Variants in COG7 observed in about 807,000 individuals in gnomAD.
COG7 encodes the protein component of oligomeric golgi complex 7, also known as conserved oligomeric Golgi complex subunit 7.
COG7 carries 49 observed loss-of-function variants against 91.5 expected under a neutral mutation model. The observed-to-expected ratio is 0.54, with a 90% CI of 0.43 to 0.68. The LOEUF is 0.68. Among genes scored for constraint, COG7 ranks in the 30% least tolerant of loss-of-function variants. COG7 has a pLI of 0.00. For missense variants in COG7, 895 were observed against 961.3 expected (o/e 0.93, Z 0.91); for synonymous variants, 365 against 388.7 (o/e 0.94, Z 0.72).
Position 23,453,128 on chromosome 16 carries a change from G to A in COG7, c.-134C>T. 2 of 1,489,436 alleles carry A rather than the reference G, an allele frequency of 1.3e-6. No homozygotes were observed. Among genetic ancestry groups the A allele is most frequent in the Non-Finnish European group, 1.8e-6 (2 of 1,116,412 alleles). The allele number at this position is 1,489,436 out of a possible 1,614,324, so 92.3% of individuals were successfully genotyped here. On this transcript the variant is annotated 5_prime_UTR_variant, in exon 1 of 17. Transcript: ENST00000307149. ...GCGAACCCCAGAAACGCCAGGACGGGTAACTTGCCCCTTTGCGCTTCCCCG... is the reference window on the plus strand; with the variant it reads ...GCGAACCCCAGAAACGCCAGGACGGATAACTTGCCCCTTTGCGCTTCCCCG...
intron 12 of COG7, among the ~76,000 whole-genome samples, chr16:23,404,284 A>G (rs1383478113): frequency 6.6e-6 from 1 of 152,288 alleles, no homozygotes; most frequent in African/African-American, 2.4e-5. Flanking sequence ...GCTGAAAGCC[A>G]AAGTATGTAC....
chr16:23,391,573 G>A (rs2092861755), intron 16 of COG7, among the ~76,000 whole-genome samples: 1 of 152,218 alleles, frequency 6.6e-6, no homozygotes, highest in Non-Finnish European at 1.5e-5. Flanking sequence ...CCAGAAGCCG[G>A]TTGAGCCTGG....
chr16:23,431,741 G>A (rs190404370), intron 6 of COG7, among the ~76,000 whole-genome samples: 7 of 151,360 alleles, frequency 4.6e-5, no homozygotes, highest in East Asian at 1.9e-4. Context: ...CCAGAGAGGC[G>A]GAGGTTGCAG....
intron 7 of COG7, among the ~76,000 whole-genome samples, chr16:23,422,189 G>A (rs926240680): frequency 2.0e-5 from 3 of 151,918 alleles, no homozygotes; most frequent in Non-Finnish European, 4.4e-5. Flanking sequence ...GCATGTGCCC[G>A]TGGTCTCAAC....
chr16:23,413,473 A>T lies in COG7; in HGVS notation c.1384T>A (p.Trp462Arg), dbSNP rs753845536. 1 of 1,607,062 alleles carries T rather than the reference A, an allele frequency of 6.2e-7. No homozygotes were observed. The highest frequency in any genetic ancestry group is 8.5e-7 in the Non-Finnish European group (1 of 1,173,480). Reference sequence around the variant, plus strand: ...CTAATGGAGTTCTGAAAAGCCGTCCAATCTTCCTGGAAGAGGGAGTTGGGA... The same window carrying T: ...CTAATGGAGTTCTGAAAAGCCGTCCTATCTTCCTGGAAGAGGGAGTTGGGA... ...IPPNSLFQED[W>R]TAFQNSIRII... is the part of the protein sequence containing the mutation. Residue 462 changes from tryptophan (W) to arginine (R), a missense_variant, in exon 10 of 17, where the codon TGG becomes AGG. Physicochemically the swap from Trp to Arg is moderately radical, Grantham distance 101. Coordinates refer to ENST00000307149, the MANE Select transcript of COG7 (RefSeq NM_153603.4).
chr16:23,405,570 G>C (rs151256422), intron 12 of COG7, among the ~76,000 whole-genome samples: 2 of 148,702 alleles, frequency 1.3e-5, no homozygotes, highest in African/African-American at 5.0e-5. Flanking sequence ...AGGCTGGAGT[G>C]TAGTGGCACA....
chr16:23,422,797 CT>C (rs1289528242), intron 7 of COG7, among the ~76,000 whole-genome samples: 1 of 151,912 alleles, frequency 6.6e-6, no homozygotes, highest in East Asian at 1.9e-4. Flanking sequence ...AATCTCAGTA[CT>C]TTGGGAGGCC....
chr16:23,444,543 C>T (rs117920693), intron 3 of COG7, among the ~76,000 whole-genome samples: 1,482 of 144,026 alleles, frequency 0.01, 12 homozygotes, highest in Non-Finnish European at 0.016. Context: ...CAGGGTCTTG[C>T]TCTGTCCCTC....
At chr16:23,404,868 C>T (rs149933275) in intron 12 of COG7, among the ~76,000 whole-genome samples, 433 of 152,286 alleles carry the variant, frequency 2.8e-3, no homozygotes, top group African/African-American at 9.9e-3. Context: ...TGCAGTGATC[C>T]GAGATTGTGC....
chr16:23,406,513 CCT>C lies in COG7; in HGVS notation c.1476-253_1476-252del, dbSNP rs201506956. ...TCACAGTGCCAGAACATGCTATCTCCCTAATATGACCGACAGCCTACATAGGG... is the reference window on the plus strand; with the variant it reads ...TCACAGTGCCAGAACATGCTATCTCCAATATGACCGACAGCCTACATAGGG... On this transcript the variant is annotated intron_variant, in intron 11 of 16. Coordinates refer to ENST00000307149, the MANE Select transcript of COG7 (RefSeq NM_153603.4). 0.013 allele frequency among the ~76,000 whole-genome samples: 1,918 copies of C among 152,300 alleles called. 17 individuals are homozygous for C. The highest frequency in any genetic ancestry group is 0.02 in the Non-Finnish European group (1,343 of 68,024).
chr16:23,426,883 G>C (rs915948335), intron 6 of COG7, among the ~76,000 whole-genome samples: 5 of 148,524 alleles, frequency 3.4e-5, no homozygotes, highest in African/African-American at 9.9e-5. Flanking sequence ...TTGAAAACAA[G>C]AGTTATCTCT....
intron 12 of COG7, 53 bp downstream of exon 12, chr16:23,406,023 G>A: frequency 6.5e-7 from 1 of 1,537,082 alleles, no homozygotes. Flanking sequence ...GAGAGGGTGA[G>A]TGATGAGAAG....
At chr16:23,409,067 G>A (rs946643409) in intron 11 of COG7, among the ~76,000 whole-genome samples, 1 of 126,660 alleles carries the variant, frequency 7.9e-6, no homozygotes, top group South Asian at 2.6e-4. Context: ...GTGCATGCGT[G>A]TGTGTGTGTG....
intron 9 of COG7, chr16:23,415,908 A>C (rs1398424437): frequency 1.3e-5 from 2 of 152,170 alleles, no homozygotes; most frequent in Non-Finnish European, 2.9e-5. Context: ...CCCTGATTTT[A>C]TAAGCATCAG....
intron 9 of COG7, chr16:23,415,055 C>G (rs1963631113): frequency 6.6e-6 from 1 of 152,240 alleles, no homozygotes; most frequent in African/African-American, 2.4e-5. Flanking sequence ...TGCAAATGAT[C>G]CTGCTGCTCC....
chr16:23,452,693 G>C (rs541963559), intron 1 of COG7, 133 bp downstream of exon 1: 1 of 1,463,382 alleles, frequency 6.8e-7, no homozygotes, highest in Admixed American at 2.3e-5. Flanking sequence ...AGGAGTTCGG[G>C]GCTTGCTCTT....
At chr16:23,414,585 C>T (rs544775864) in intron 9 of COG7, 233 of 152,576 alleles carry the variant, frequency 1.5e-3, no homozygotes, top group Non-Finnish European at 2.8e-3. Context: ...GCCATGAGCA[C>T]GCCACTGCAC....
chr16:23,393,239 C>G lies in COG7; in HGVS notation c.1996G>C (p.Glu666Gln). The change falls in exon 15 of 17, where the codon GAG (glutamate) becomes CAG (glutamine). Residue 666 changes from glutamate (E) to glutamine (Q), a missense_variant. Transcript: ENST00000307149. ...LHAGKLPFPP[E>Q]QGDELPELDN... ...AGAAACGGTCCCCGCTTACCCTGCT[C>G]AGGAGGAAATGGCAGCTTTCCAGCG... 1 of 1,613,058 alleles carries G rather than the reference C, an allele frequency of 6.2e-7. No individual in the cohort carries two copies. The highest frequency in any genetic ancestry group is 1.3e-5 in the African/African-American group (1 of 75,018).
intron 4 of COG7, among the ~76,000 whole-genome samples, chr16:23,439,465 T>C (rs551433419): frequency 1.3e-5 from 2 of 152,294 alleles, no homozygotes; most frequent in South Asian, 4.1e-4. Context: ...ATAACCTAAA[T>C]GTCCATCAAC....
Sources: allele counts gnomAD v4.1 joint callset (sites outside exome capture counted in the v4.1 genomes callset), GRCh38; gene constraint gnomAD v4.1.1; transcripts MANE v1.5; gene names NCBI Gene and HGNC (gene_info 2026-07-23, HGNC 2026-07-21).